The following FRAS1 variants were observed in gnomAD, a reference collection of about 807,000 sequenced individuals.
FRAS1 encodes Fraser extracellular matrix complex subunit 1, also known as extracellular matrix organizing protein FRAS1.
FRAS1 carries 290 observed loss-of-function variants against 435.2 expected under a neutral mutation model. The observed-to-expected ratio is 0.67, with a 90% CI of 0.61 to 0.73. The LOEUF (loss-of-function observed/expected upper bound fraction) is 0.73, where lower values mean the gene tolerates loss of function less well. Among genes scored for constraint, FRAS1 ranks in the 30% least tolerant of loss-of-function variants. FRAS1 has a pLI of 0.00. For missense variants in FRAS1, 4,860 were observed against 5,001.5 expected, an observed-to-expected ratio of 0.97 and a Z score of 0.85; for synonymous variants, 1,800 against 1,851.0, an observed-to-expected ratio of 0.97 and a Z score of 0.71.
intron 19 of FRAS1, among the ~76,000 whole-genome samples, chr4:78,336,543 T>A (rs975818167): frequency 5.3e-5 from 8 of 152,302 alleles, no homozygotes; most frequent in Admixed American, 5.2e-4. Flanking sequence ...GAATGCTATG[T>A]CTTTTGGATA....
At chr4:78,218,075 TTCTC>T (rs1163826459) in intron 2 of FRAS1, among the ~76,000 whole-genome samples, 2 of 9,372 alleles carry the variant, frequency 2.1e-4, no homozygotes, top group South Asian at 0.013. Context: ...TCTCTCTCCC[TTCTC>T]TCTCTCTCTC....
intron 2 of FRAS1, chr4:78,180,804 G>C (rs1420122600): frequency 1.9e-5 from 22 of 1,174,228 alleles, no homozygotes; most frequent in Middle Eastern, 5.4e-4. Context: ...GAATCCTTAA[G>C]CATGCAAAAG....
chr4:78,136,882 A>T (rs1719940870), intron 2 of FRAS1, among the ~76,000 whole-genome samples: 1 of 152,150 alleles, frequency 6.6e-6, no homozygotes. Context: ...CTCATGCCAG[A>T]AGTACTTTTG....
At chr4:78,380,364 G>A (rs1468333136) in intron 27 of FRAS1, among the ~76,000 whole-genome samples, 3 of 152,144 alleles carry the variant, frequency 2.0e-5, no homozygotes, top group Non-Finnish European at 4.4e-5. Flanking sequence ...AGAGAGGATG[G>A]AGCACATTCT....
rs763928354 is a variant in FRAS1 at position 78,412,980 on chromosome 4, C to T, written c.4320C>T (p.Ala1440=). ...GACTTTCTTTTCAGGTGTCCAGTGC[C>T]TCCAATGCCCAGACCCGCCTGGAGA... ...SDSFRFEVSS[A]SNAQTRLESH... The change falls in exon 32 of 74, where the codon GCC becomes GCT. Residue 1440 remains alanine (A), a synonymous_variant. Coordinates refer to ENST00000512123, the MANE Select transcript of FRAS1 (RefSeq NM_025074.7). 5.6e-6 allele frequency: 9 copies of T among 1,602,592 alleles called. No homozygotes were observed. The highest frequency in any genetic ancestry group is 1.7e-4 in the Middle Eastern group (1 of 6,038).
chr4:78,212,875 A>G (rs1286037382), intron 2 of FRAS1, among the ~76,000 whole-genome samples: 1 of 152,228 alleles, frequency 6.6e-6, no homozygotes, highest in African/African-American at 2.4e-5. Flanking sequence ...TATGAGTATC[A>G]GGGAAGCAAA....
chr4:78,096,949 C>T (rs1029568376), intron 2 of FRAS1, among the ~76,000 whole-genome samples: 9 of 152,314 alleles, frequency 5.9e-5, no homozygotes, highest in East Asian at 1.9e-4. Context: ...TCTTTTCTAT[C>T]GCATTGTCAG....
In FRAS1 at chr4:78,489,071, A is replaced by G; in HGVS notation, c.8949A>G (p.Lys2983=). Residue 2983 remains lysine (K), a synonymous_variant, in exon 59 of 74, where the codon AAA becomes AAG. Transcript: ENST00000512123. Reference sequence around the variant, plus strand: ...ACTCTTCACGGATTACATTTCTCAAAGGGGACAAAGTAAGTGGATTGGTGG... The same window carrying G: ...ACTCTTCACGGATTACATTTCTCAAGGGGGACAAAGTAAGTGGATTGGTGG... ...NADSSRITFL[K]GDKVKNCTVY... 1 of 1,612,274 alleles carries G rather than the reference A, an allele frequency of 6.2e-7. No individual in the cohort carries two copies. Among genetic ancestry groups the G allele is most frequent in the East Asian group, 2.2e-5 (1 of 44,866 alleles).
At chr4:78,310,353 C>G (rs1490925189) in intron 15 of FRAS1, among the ~76,000 whole-genome samples, 5 of 152,160 alleles carry the variant, frequency 3.3e-5, no homozygotes, top group Middle Eastern at 3.2e-3. Flanking sequence ...TGAGACTCTA[C>G]ATTATCTGGA....
At chr4:78,277,934 C>T (rs900048876) in intron 9 of FRAS1, among the ~76,000 whole-genome samples, 1 of 152,130 alleles carries the variant, frequency 6.6e-6, no homozygotes, top group Admixed American at 6.5e-5. Flanking sequence ...GCCTCAGCCT[C>T]CTGAGTAGCT....
chr4:78,258,536 G>A (rs1157654637), intron 6 of FRAS1, among the ~76,000 whole-genome samples: 1 of 150,854 alleles, frequency 6.6e-6, no homozygotes, highest in Non-Finnish European at 1.5e-5. Flanking sequence ...TTAGTGCCAT[G>A]GAGGAGAAAT....
chr4:78,174,538 A>G (rs570929765), intron 2 of FRAS1, among the ~76,000 whole-genome samples: 2 of 152,334 alleles, frequency 1.3e-5, no homozygotes, highest in East Asian at 1.9e-4. Flanking sequence ...TATAACCAGT[A>G]TGGAAGGGAG....
chr4:78,127,240 G>C lies in FRAS1; in HGVS notation c.108+61224G>C, dbSNP rs1464124809. ...AACTGGAAGGATTTCAGAATGGCCT[G>C]AATGTGGAGTGGGAGGAGCAGGGAT... is the stretch of plus-strand genomic sequence containing the variant. On this transcript the variant is annotated intron_variant, in intron 2 of 73. Transcript: ENST00000512123. Among the ~76,000 whole-genome samples, 3 of 152,290 alleles carry C rather than the reference G, an allele frequency of 2.0e-5. No individual in the cohort carries two copies. The East Asian group carries it at 5.8e-4, about 29-fold the overall frequency.
intron 3 of FRAS1, among the ~76,000 whole-genome samples, chr4:78,242,917 A>G (rs1485111903): frequency 6.6e-6 from 1 of 152,126 alleles, no homozygotes; most frequent in Non-Finnish European, 1.5e-5. Flanking sequence ...CGTATCTTAT[A>G]TTCATATAGA....
chr4:78,177,620 G>T (rs1418054057), intron 2 of FRAS1, among the ~76,000 whole-genome samples: 3 of 152,192 alleles, frequency 2.0e-5, no homozygotes, highest in Non-Finnish European at 2.9e-5. Context: ...GCTGGCAGGG[G>T]TGGCCGTAGG....
rs1731171625 is a variant in FRAS1, at chr4:78,363,918, C to T, written c.2586C>T (p.Ser862=). Residue 862 remains serine (S), a synonymous_variant, in exon 22 of 74, where the codon TCC becomes TCT. Transcript: ENST00000512123. ...CTTTTTCCTCTGCAGAATGCCACTC[C>T]TCCTGCAGAACCTGCCAGGGCAGAG... ...AERGACKKCH[S]SCRTCQGRGP... 6.2e-7 allele frequency: 1 copy of T among 1,609,786 alleles called. No individual in the cohort carries two copies. Among genetic ancestry groups the T allele is most frequent in the Admixed American group, 1.7e-5 (1 of 59,316 alleles).
chr4:78,141,376 G>T (rs925937446), intron 2 of FRAS1, among the ~76,000 whole-genome samples: 2 of 152,128 alleles, frequency 1.3e-5, no homozygotes, highest in Non-Finnish European at 2.9e-5. Context: ...GTTTATTTGA[G>T]ATTTCATTTT....
chr4:78,337,137 A>T (rs1730201237), intron 19 of FRAS1, among the ~76,000 whole-genome samples: 1 of 152,210 alleles, frequency 6.6e-6, no homozygotes. Flanking sequence ...TTAATTAAGT[A>T]TTGCTGATAA....
intron 29 of FRAS1, among the ~76,000 whole-genome samples, chr4:78,395,279 AT>A (rs1732611847): frequency 6.6e-6 from 1 of 152,008 alleles, no homozygotes; most frequent in African/African-American, 2.4e-5. Context: ...GTGGCTTAAC[AT>A]TTGTTCTAAC....
Sources: gnomAD v4.1 joint callset for allele counts (sites outside exome capture counted in the v4.1 genomes callset) on GRCh38, gnomAD v4.1.1 for gene constraint, MANE v1.5 for transcripts, NCBI Gene and HGNC (gene_info 2026-07-23, HGNC 2026-07-21) for gene names.